Variants in EIF4G3 observed in about 807,000 individuals in gnomAD.
EIF4G3 encodes the protein eukaryotic translation initiation factor 4 gamma 3, also known as eIF-4-gamma 3.
EIF4G3 carries 34 observed loss-of-function variants against 186.4 expected under a neutral mutation model. That is an observed-to-expected ratio of 0.18 (90% CI 0.14 to 0.24). EIF4G3 has a LOEUF of 0.24. Ranked by LOEUF, EIF4G3 falls within the 10% of genes least tolerant of loss-of-function variation. The pLI, the probability that EIF4G3 is intolerant of heterozygous loss-of-function variation, is 1.00. For synonymous variants in EIF4G3, 673 were observed against 679.5 expected, an observed-to-expected ratio of 0.99 and a Z score of 0.15; for missense variants, 1,536 against 1,948.5, an observed-to-expected ratio of 0.79 and a Z score of 3.99.
chr1:21,116,611 G>A (rs1351167548), intron 2 of EIF4G3, among the ~76,000 whole-genome samples: 1 of 152,040 alleles, frequency 6.6e-6, no homozygotes, highest in Non-Finnish European at 1.5e-5. Context: ...GCTGAGGGGG[G>A]TGCGGATCAC....
chr1:20,845,273 G>A (rs1400662105), intron 29 of EIF4G3, among the ~76,000 whole-genome samples: 1 of 152,178 alleles, frequency 6.6e-6, no homozygotes, highest in Non-Finnish European at 1.5e-5. Context: ...TTGTAGGTGT[G>A]TAGTCTTATT....
chr1:20,933,663 G>GA (rs2095418005), intron 14 of EIF4G3, among the ~76,000 whole-genome samples: 1 of 151,548 alleles, frequency 6.6e-6, no homozygotes, highest in Admixed American at 6.6e-5. Context: ...CTTGTGGGGG[G>GA]AAAAACAAAA....
At chr1:21,130,811 T>C (rs972408999) in intron 2 of EIF4G3, among the ~76,000 whole-genome samples, 39 of 152,102 alleles carry the variant, frequency 2.6e-4, no homozygotes, top group African/African-American at 8.7e-4. Flanking sequence ...GGAGACAACA[T>C]ACATGAATAG....
At chr1:21,036,222 C>T (rs1287293620) in intron 4 of EIF4G3, among the ~76,000 whole-genome samples, 1 of 152,016 alleles carries the variant, frequency 6.6e-6, no homozygotes, top group East Asian at 1.9e-4. Context: ...CTAGGGCCTC[C>T]TCTCTGCCGA....
intron 4 of EIF4G3, among the ~76,000 whole-genome samples, chr1:21,020,946 T>C (rs376044461): frequency 1.3e-5 from 2 of 152,278 alleles, no homozygotes; most frequent in East Asian, 3.9e-4. Flanking sequence ...ACATAAAGCA[T>C]TATTGTAAAA....
At chr1:21,130,201 C>T (rs1460038768) in intron 2 of EIF4G3, among the ~76,000 whole-genome samples, 2 of 144,434 alleles carry the variant, frequency 1.4e-5, no homozygotes, top group Non-Finnish European at 1.5e-5. Context: ...CTGGGCAACA[C>T]AGGAGACCCC....
At chr1:20,963,586 CAAT>C (rs1162886792) in intron 12 of EIF4G3, among the ~76,000 whole-genome samples, 1 of 152,012 alleles carries the variant, frequency 6.6e-6, no homozygotes, top group African/African-American at 2.4e-5. Context: ...TGTTTCATTA[CAAT>C]AATAATTCTA....
intron 2 of EIF4G3, among the ~76,000 whole-genome samples, chr1:21,153,061 A>G (rs770569785): frequency 2.0e-5 from 3 of 152,184 alleles, no homozygotes; most frequent in Non-Finnish European, 2.9e-5. Context: ...TCCTTTCTCA[A>G]ATCTATTTTC....
intron 31 of EIF4G3, among the ~76,000 whole-genome samples, chr1:20,828,057 A>G (rs2064104853): frequency 7.1e-6 from 1 of 140,872 alleles, no homozygotes; most frequent in Non-Finnish European, 1.5e-5. Flanking sequence ...TTTTTGAGAC[A>G]GAGTCTCACT....
intron 20 of EIF4G3, among the ~76,000 whole-genome samples, chr1:20,873,252 G>A (rs1301955739): frequency 2.6e-5 from 4 of 152,162 alleles, no homozygotes; most frequent in South Asian, 4.1e-4. Flanking sequence ...AACATGCTAC[G>A]ATTTATCCAT....
intron 14 of EIF4G3, among the ~76,000 whole-genome samples, chr1:20,918,677 CT>C (rs1288608953): frequency 7.3e-6 from 1 of 137,482 alleles, no homozygotes; most frequent in African/African-American, 2.7e-5. Context: ...ACCACGAAAA[CT>C]TTTAAATATA....
intron 2 of EIF4G3, among the ~76,000 whole-genome samples, chr1:21,159,431 T>TA (rs71014164): frequency 1.5e-3 from 181 of 122,486 alleles, no homozygotes; most frequent in South Asian, 1.8e-3. Context: ...AGCAAGGGTT[T>TA]AAAAAAAAAA....
chr1:21,137,346 ACACTG>A (rs2097264020), intron 2 of EIF4G3, among the ~76,000 whole-genome samples: 2 of 152,006 alleles, frequency 1.3e-5, no homozygotes, highest in Non-Finnish European at 2.9e-5. Flanking sequence ...AGGTCTCACT[ACACTG>A]CTCAGGCTGG....
chr1:20,839,040 G>C (rs1011977269), intron 30 of EIF4G3, among the ~76,000 whole-genome samples: 2 of 151,994 alleles, frequency 1.3e-5, no homozygotes, highest in African/African-American at 4.8e-5. Flanking sequence ...GTGCAGTGGC[G>C]CAATTTCAGC....
At chr1:21,143,769 T>G (rs955315568) in intron 2 of EIF4G3, among the ~76,000 whole-genome samples, 1 of 152,050 alleles carries the variant, frequency 6.6e-6, no homozygotes, top group African/African-American at 2.4e-5. Context: ...AAATATTTTT[T>G]AAATTACCTG....
intron 3 of EIF4G3, among the ~76,000 whole-genome samples, chr1:21,054,707 C>T (rs1031931682): frequency 6.6e-6 from 1 of 152,138 alleles, no homozygotes; most frequent in African/African-American, 2.4e-5. Flanking sequence ...CTGGAATTCA[C>T]TCAGTCAAAA....
In EIF4G3 at chr1:20,860,637, G is replaced by A; in HGVS notation, c.3112-120C>T. 3.7e-6 allele frequency: 4 copies of A among 1,089,824 alleles called. No individual in the cohort carries two copies. In the South Asian group the frequency reaches 4.9e-5, roughly 13 times the overall value. The allele number at this position is 1,089,824 out of a possible 1,614,324, so 67.5% of individuals were successfully genotyped here. On this transcript the variant is annotated intron_variant, in intron 23 of 36. Transcript: ENST00000602326. ...TACCTACAAAAGCTGTATTATGGCAGTTTCTCATGTATCTTATAGATGACA... is the reference window on the plus strand; with the variant it reads ...TACCTACAAAAGCTGTATTATGGCAATTTCTCATGTATCTTATAGATGACA...
At chr1:20,896,398 T>C (rs1008075319) in intron 16 of EIF4G3, among the ~76,000 whole-genome samples, 1 of 138,848 alleles carries the variant, frequency 7.2e-6, no homozygotes, top group African/African-American at 2.8e-5. Flanking sequence ...ATTGCACCAC[T>C]GCACTCTAGC....
chr1:20,924,294 A>G (rs551524621), intron 14 of EIF4G3, among the ~76,000 whole-genome samples: 4 of 152,310 alleles, frequency 2.6e-5, no homozygotes, highest in African/African-American at 4.8e-5. Context: ...TGAATACTAA[A>G]TCTTATATCC....
Sources: gnomAD v4.1 joint callset for allele counts (sites outside exome capture counted in the v4.1 genomes callset) on GRCh38, gnomAD v4.1.1 for gene constraint, MANE v1.5 for transcripts, NCBI Gene and HGNC (gene_info 2026-07-23, HGNC 2026-07-21) for gene names.